Variants in DLGAP2 observed in about 807,000 individuals in gnomAD.
The protein encoded by DLGAP2 is DLG associated protein 2, also known as disks large-associated protein 2.
A neutral mutation model predicts 100.3 loss-of-function variants in DLGAP2; 26 were observed. The observed-to-expected ratio is 0.26, with a 90% CI of 0.19 to 0.36. DLGAP2 has a LOEUF of 0.36. Ranked by LOEUF, DLGAP2 falls within the 10% of genes least tolerant of loss-of-function variation. The probability of loss-of-function intolerance (pLI) is 1.00; values close to 1 mark genes in which losing one functional copy is unlikely to be tolerated. For synonymous variants in DLGAP2, 886 were observed against 630.1 expected, an observed-to-expected ratio of 1.41 and a Z score of -6.08; for missense variants, 1,858 against 1,453.2, an observed-to-expected ratio of 1.28 and a Z score of -4.53.
intron 1 of DLGAP2, among the ~76,000 whole-genome samples, chr8:781,403 G>T (rs890061854): frequency 6.6e-6 from 1 of 151,964 alleles, no homozygotes; most frequent in African/African-American, 2.4e-5. Flanking sequence ...GAAAATAATC[G>T]ATAAGACCTC....
At chr8:1,203,666 G>A (rs1051474550) in intron 2 of DLGAP2, among the ~76,000 whole-genome samples, 16 of 152,180 alleles carry the variant, frequency 1.1e-4, no homozygotes, top group African/African-American at 2.2e-4. Context: ...ATGACGGTGC[G>A]AAGAACTGAG....
chr8:1,025,204 C>T (rs149007232), intron 2 of DLGAP2, among the ~76,000 whole-genome samples: 60 of 152,258 alleles, frequency 3.9e-4, no homozygotes, highest in African/African-American at 1.4e-3. Context: ...TGCCCTAGAA[C>T]ATTCTTAAAT....
intron 8 of DLGAP2, among the ~76,000 whole-genome samples, chr8:1,647,722 C>G (rs1026364698): frequency 3.3e-5 from 5 of 152,130 alleles, no homozygotes; most frequent in African/African-American, 1.2e-4. Flanking sequence ...TGCCAGTCCC[C>G]TGCCGGGTCT....
At chr8:1,586,238 TG>T (rs1421802689) in intron 6 of DLGAP2, among the ~76,000 whole-genome samples, 6 of 152,168 alleles carry the variant, frequency 3.9e-5, no homozygotes, top group Non-Finnish European at 2.9e-5. Flanking sequence ...GGGATCTGCG[TG>T]GGGAGTGGTT....
intron 3 of DLGAP2, among the ~76,000 whole-genome samples, chr8:1,483,343 C>T (rs1428107126): frequency 6.6e-6 from 1 of 152,168 alleles, no homozygotes; most frequent in Non-Finnish European, 1.5e-5. Flanking sequence ...GCTGGACGTG[C>T]GTGAGGCCGC....
intron 3 of DLGAP2, among the ~76,000 whole-genome samples, chr8:1,344,909 C>T (rs375629184): frequency 3.3e-4 from 50 of 152,306 alleles, no homozygotes; most frequent in African/African-American, 1.2e-3. Context: ...ATTCCACTTC[C>T]GGTCAAAGGA....
intron 1 of DLGAP2, among the ~76,000 whole-genome samples, chr8:795,524 T>G (rs1370033714): frequency 6.6e-6 from 1 of 152,242 alleles, no homozygotes; most frequent in Non-Finnish European, 1.5e-5. Flanking sequence ...GACAGATGTG[T>G]GCAGTGTGCA....
intron 2 of DLGAP2, among the ~76,000 whole-genome samples, chr8:1,128,108 G>A (rs1461939841): frequency 6.6e-6 from 1 of 152,084 alleles, no homozygotes; most frequent in African/African-American, 2.4e-5. Flanking sequence ...TCCCCGTGTT[G>A]TGTTCCGTGA....
intron 2 of DLGAP2, among the ~76,000 whole-genome samples, chr8:1,199,349 G>A (rs886412883): frequency 6.6e-6 from 1 of 152,312 alleles, no homozygotes; most frequent in Admixed American, 6.5e-5. Flanking sequence ...ATTAATCTAT[G>A]TAGCAGTTTC....
At chr8:1,028,659 G>C (rs1801887597) in intron 2 of DLGAP2, among the ~76,000 whole-genome samples, 2 of 152,370 alleles carry the variant, frequency 1.3e-5, no homozygotes, top group Admixed American at 1.3e-4. Context: ...CGGGGCTGGA[G>C]AGCCATCCAG....
chr8:770,425 G>A (rs1233541313), intron 1 of DLGAP2, among the ~76,000 whole-genome samples: 1 of 152,158 alleles, frequency 6.6e-6, no homozygotes, highest in African/African-American at 2.4e-5. Context: ...TCTGACTGAT[G>A]ACCAAAGACT....
At chr8:1,086,637 T>A (rs930195075) in intron 2 of DLGAP2, among the ~76,000 whole-genome samples, 5 of 151,782 alleles carry the variant, frequency 3.3e-5, no homozygotes, top group Non-Finnish European at 7.4e-5. Flanking sequence ...AGACTTAAAG[T>A]CAAAAGCTGT....
intron 2 of DLGAP2, among the ~76,000 whole-genome samples, chr8:986,046 G>T (rs960554990): frequency 6.6e-6 from 1 of 152,178 alleles, no homozygotes; most frequent in East Asian, 1.9e-4. Context: ...GGGGGAGTAT[G>T]GCTGGTTGGG....
At chr8:1,238,684 T>C (rs1798720662) in intron 2 of DLGAP2, among the ~76,000 whole-genome samples, 1 of 103,640 alleles carries the variant, frequency 9.6e-6, no homozygotes, top group African/African-American at 3.8e-5. Flanking sequence ...ACACATAGCG[T>C]CATGTCTAGT....
chr8:1,492,073 C>G (rs1309848253), intron 3 of DLGAP2, among the ~76,000 whole-genome samples: 14 of 152,218 alleles, frequency 9.2e-5, no homozygotes, highest in Admixed American at 9.2e-4. Flanking sequence ...GACTTTGAGA[C>G]TTTCTCTTGG....
At chr8:1,208,919 A>C (rs1412017614) in intron 2 of DLGAP2, among the ~76,000 whole-genome samples, 1 of 151,474 alleles carries the variant, frequency 6.6e-6, no homozygotes, top group Non-Finnish European at 1.5e-5. Flanking sequence ...TAAAATGCTT[A>C]GGAATATACC....
At chr8:1,200,553 G>C (rs1256687567) in intron 2 of DLGAP2, among the ~76,000 whole-genome samples, 2 of 152,248 alleles carry the variant, frequency 1.3e-5, no homozygotes, top group East Asian at 1.9e-4. Context: ...CCAGCTCCTC[G>C]GACCTCCGGA....
rs112564022 is a variant in DLGAP2 at position 1,442,544 on chromosome 8, G to A, written c.107-58822G>A. 1.6e-3 allele frequency among the ~76,000 whole-genome samples: 217 copies of A among 133,320 alleles called. 1 individual carries two copies. The highest frequency in any genetic ancestry group is 5.8e-3 in the African/African-American group (194 of 33,726). The allele number at this position is 133,320 out of a possible 152,430, so 87.5% of individuals were successfully genotyped here. ...AGGCTGCTGTGGGTTCAGCCACTGG[G>A]GGAGACGGATCCGGGCGTAGACCCG... On this transcript the variant is annotated intron_variant, in intron 3 of 14. Coordinates refer to ENST00000637795, the MANE Select transcript of DLGAP2 (RefSeq NM_001346810.2).
chr8:1,368,120 G>A (rs1037335850), intron 3 of DLGAP2, among the ~76,000 whole-genome samples: 4 of 152,214 alleles, frequency 2.6e-5, no homozygotes, highest in African/African-American at 9.6e-5. Flanking sequence ...TATGTATGTA[G>A]GCATGTGCGT....
Sources: gnomAD v4.1 joint callset for allele counts (sites outside exome capture counted in the v4.1 genomes callset) on GRCh38, gnomAD v4.1.1 for gene constraint, MANE v1.5 for transcripts, NCBI Gene and HGNC (gene_info 2026-07-23, HGNC 2026-07-21) for gene names.